FAM13C: variants seen among roughly 807,000 people sequenced by gnomAD.
FAM13C encodes family with sequence similarity 13 member C, also known as protein FAM13C.
A neutral mutation model predicts 73.2 loss-of-function variants in FAM13C; 37 were observed. The ratio of observed to expected loss-of-function variants is 0.51; its 90% CI spans 0.39 to 0.67. The LOEUF is 0.67. Among genes scored for constraint, FAM13C ranks in the 30% least tolerant of loss-of-function variants. The pLI, the probability that FAM13C is intolerant of heterozygous loss-of-function variation, is 0.00. For synonymous variants in FAM13C, 246 were observed against 260.9 expected (o/e 0.94, Z 0.55); for missense variants, 589 against 715.6 (o/e 0.82, Z 2.02).
At chr10:59,362,087 A>G (rs1451223837) in intron 1 of FAM13C, among the ~76,000 whole-genome samples, 1 of 152,198 alleles carries the variant, frequency 6.6e-6, no homozygotes, top group East Asian at 1.9e-4. Context: ...GCAAAATACA[A>G]CAAAGCTTCC....
intron 3 of FAM13C, among the ~76,000 whole-genome samples, chr10:59,348,478 A>G (rs576387691): frequency 6.6e-6 from 1 of 152,332 alleles, no homozygotes; most frequent in South Asian, 2.1e-4. Flanking sequence ...ATATTAGAGA[A>G]TGACACTGAG....
intron 3 of FAM13C, among the ~76,000 whole-genome samples, chr10:59,351,607 T>A (rs1855047371): frequency 6.6e-6 from 1 of 152,100 alleles, no homozygotes; most frequent in Non-Finnish European, 1.5e-5. Context: ...CTGAGCAGAA[T>A]CCCCACGTCT....
At chr10:59,250,134 A>G (rs780411926) in intron 13 of FAM13C, among the ~76,000 whole-genome samples, 1 of 152,224 alleles carries the variant, frequency 6.6e-6, no homozygotes, top group East Asian at 1.9e-4. Flanking sequence ...ATTTCCCTGA[A>G]TGAAAAATTC....
At chr10:59,353,813 T>TA (rs1855376231) in intron 2 of FAM13C, among the ~76,000 whole-genome samples, 1 of 152,154 alleles carries the variant, frequency 6.6e-6, no homozygotes, top group Admixed American at 6.5e-5. Context: ...TGCTATCTGG[T>TA]AAAGGAGAAT....
intron 3 of FAM13C, among the ~76,000 whole-genome samples, chr10:59,335,463 T>C (rs1006858584): frequency 6.6e-6 from 1 of 152,278 alleles, no homozygotes; most frequent in African/African-American, 2.4e-5. Flanking sequence ...CCCAAAGGCA[T>C]TTGCAGCTTG....
At chr10:59,358,470 C>G (rs1855989208) in intron 1 of FAM13C, among the ~76,000 whole-genome samples, 1 of 152,204 alleles carries the variant, frequency 6.6e-6, no homozygotes, top group African/African-American at 2.4e-5. Flanking sequence ...AAACAAATCC[C>G]CAAGTACCGC....
At chr10:59,264,664 C>G (rs1326710197) in intron 8 of FAM13C, among the ~76,000 whole-genome samples, 1 of 152,156 alleles carries the variant, frequency 6.6e-6, no homozygotes, top group East Asian at 1.9e-4. Context: ...AGATTTAGCT[C>G]TTATCAGTTA....
chr10:59,362,611 C>A (rs1338802770), upstream of FAM13C: 5 of 1,466,628 alleles, frequency 3.4e-6, no homozygotes, highest in Non-Finnish European at 4.5e-6. Context: ...GTAACGACAC[C>A]CCCAGCAGGG....
intron 1 of FAM13C, among the ~76,000 whole-genome samples, chr10:59,358,309 T>A (rs1280036960): frequency 2.6e-5 from 4 of 151,998 alleles, no homozygotes; most frequent in African/African-American, 7.3e-5. Context: ...ACTTGGGAGG[T>A]GGAGGCTGTA....
chr10:59,257,507 T>G (rs1288794606), intron 10 of FAM13C, among the ~76,000 whole-genome samples: 1 of 152,184 alleles, frequency 6.6e-6, no homozygotes, highest in African/African-American at 2.4e-5. Flanking sequence ...TCCCCATAAA[T>G]GAGATGTCTC....
At chr10:59,329,431 C>T (rs988265999) in intron 3 of FAM13C, among the ~76,000 whole-genome samples, 3 of 135,252 alleles carry the variant, frequency 2.2e-5, no homozygotes, top group Non-Finnish European at 4.6e-5. Context: ...ACGATCTCGA[C>T]TCACTGCAAA....
In FAM13C at chr10:59,251,599, T is replaced by C; in HGVS notation, c.1610A>G (p.Glu537Gly). 1 of 1,613,926 alleles carries C rather than the reference T, an allele frequency of 6.2e-7. No homozygotes were observed. Among genetic ancestry groups the C allele is most frequent in the Non-Finnish European group, 8.5e-7 (1 of 1,179,870 alleles). ...RLRKALREFEEQFFKQTGRSP... is the reference protein window; with the variant it reads ...RLRKALREFEGQFFKQTGRSP... ...CCTTCCTGTTTGTTTAAAAAACTGT[T>C]CTTCAAATTCTCTTAAGGCTTTCCG... is the stretch of plus-strand genomic sequence containing the variant. The change falls in exon 13 of 14, where the codon GAA becomes GGA. Residue 537 changes from glutamate (E) to glycine (G), a missense_variant. Transcript: ENST00000618804.
intron 3 of FAM13C, among the ~76,000 whole-genome samples, chr10:59,330,712 C>G (rs771618457): frequency 6.6e-6 from 1 of 152,194 alleles, no homozygotes; most frequent in African/African-American, 2.4e-5. Context: ...TCCTGCCCCA[C>G]TGAGGAGTTA....
At chr10:59,308,882 C>T (rs1477833055) in intron 4 of FAM13C, among the ~76,000 whole-genome samples, 3 of 152,128 alleles carry the variant, frequency 2.0e-5, no homozygotes, top group Non-Finnish European at 2.9e-5. Context: ...CTAGTGGCCT[C>T]CTCGCAGGAG....
chr10:59,345,740 A>G (rs1475923300), intron 3 of FAM13C, among the ~76,000 whole-genome samples: 1 of 152,212 alleles, frequency 6.6e-6, no homozygotes, highest in Admixed American at 6.5e-5. Context: ...ATCTTGGAAG[A>G]GTGAAGGAGA....
chr10:59,299,994 T>C (rs1391902630), intron 5 of FAM13C, among the ~76,000 whole-genome samples: 1 of 152,178 alleles, frequency 6.6e-6, no homozygotes, highest in African/African-American at 2.4e-5. Flanking sequence ...AAAATGAGAC[T>C]GGCAGGTGTC....
At chr10:59,339,283 C>T (rs111909794) in intron 3 of FAM13C, among the ~76,000 whole-genome samples, 4 of 152,038 alleles carry the variant, frequency 2.6e-5, no homozygotes, top group Admixed American at 6.6e-5. Context: ...CAAGTGGACA[C>T]GAATTTGAAG....
At chr10:59,256,148 C>A (rs538531579) in intron 10 of FAM13C, among the ~76,000 whole-genome samples, 3 of 151,978 alleles carry the variant, frequency 2.0e-5, no homozygotes, top group Admixed American at 1.3e-4. Context: ...TGAAAAAAAA[C>A]CCAACAAGTT....
chr10:59,318,421 C>A (rs746393165), intron 4 of FAM13C, among the ~76,000 whole-genome samples: 1 of 151,972 alleles, frequency 6.6e-6, no homozygotes, highest in African/African-American at 2.4e-5. Flanking sequence ...TTCAGGAGCT[C>A]GTATTCTTTA....
Sources: allele counts gnomAD v4.1 joint callset (sites outside exome capture counted in the v4.1 genomes callset), GRCh38; gene constraint gnomAD v4.1.1; transcripts MANE v1.5; gene names NCBI Gene and HGNC (gene_info 2026-07-23, HGNC 2026-07-21).